The following PODXL variants were observed in gnomAD, a reference collection of about 807,000 sequenced individuals.
PODXL encodes podocalyxin like.
Under a neutral mutation model 48.9 loss-of-function variants are expected in PODXL, and 20 were observed. That is an observed-to-expected ratio of 0.41 (90% CI 0.29 to 0.59). The LOEUF (loss-of-function observed/expected upper bound fraction) is 0.59, where lower values mean the gene tolerates loss of function less well. Among genes scored for constraint, PODXL ranks in the 20% least tolerant of loss-of-function variants. The pLI is 0.31. For synonymous variants in PODXL, 295 were observed against 287.4 expected (o/e 1.03, Z -0.27); for missense variants, 606 against 675.1 (o/e 0.90, Z 1.13).
chr7:131,540,488 G>T (rs1439431731), intron 1 of PODXL, among the ~76,000 whole-genome samples: 3 of 151,684 alleles, frequency 2.0e-5, no homozygotes, highest in African/African-American at 7.3e-5. Flanking sequence ...CATCACACTG[G>T]GTCTGCACCG....
intron 1 of PODXL, among the ~76,000 whole-genome samples, chr7:131,521,157 CAAA>C (rs35374057): frequency 1.5e-5 from 2 of 134,824 alleles, no homozygotes; most frequent in Non-Finnish European, 3.1e-5. Context: ...GACTCCATCT[CAAA>C]AAAAAAAAAA....
At chr7:131,553,364 G>A (rs1449964079) in intron 1 of PODXL, among the ~76,000 whole-genome samples, 1 of 152,176 alleles carries the variant, frequency 6.6e-6, no homozygotes. Flanking sequence ...CCCACAGAGT[G>A]GCACTGGGGC....
At position 131,511,439 on chromosome 7, in the gene PODXL, T is replaced by G. The variant is rs756257421; in HGVS notation, c.101-6A>C. On this transcript the variant is annotated splice_region_variant and splice_polypyrimidine_tract_variant and intron_variant, in intron 1 of 8. Coordinates refer to ENST00000378555, the MANE Select transcript of PODXL (RefSeq NM_001018111.3). Reference sequence around the variant, plus strand: ...GTCCGTAGTAGTCTGGGTTGCTGTTTGTAAAGATAACAGAGAATGGAGTTA... The same window carrying G: ...GTCCGTAGTAGTCTGGGTTGCTGTTGGTAAAGATAACAGAGAATGGAGTTA... 6.3e-7 allele frequency: 1 copy of G among 1,599,964 alleles called. No homozygotes were observed. The highest frequency in any genetic ancestry group is 1.1e-5 in the South Asian group (1 of 91,056).
At chr7:131,538,274 C>T (rs62468112) in intron 1 of PODXL, among the ~76,000 whole-genome samples, 3 of 152,202 alleles carry the variant, frequency 2.0e-5, no homozygotes, top group Non-Finnish European at 2.9e-5. Flanking sequence ...ATTCTCTGAC[C>T]GAGCTTCCCA....
At chr7:131,507,394 C>A (rs1262658760) in intron 5 of PODXL, among the ~76,000 whole-genome samples, 2 of 152,170 alleles carry the variant, frequency 1.3e-5, no homozygotes, top group Non-Finnish European at 2.9e-5. Context: ...AAGATTGTGG[C>A]TGACGTGGCT....
intron 1 of PODXL, among the ~76,000 whole-genome samples, chr7:131,555,696 C>T (rs906644271): frequency 1.3e-5 from 2 of 152,172 alleles, no homozygotes; most frequent in African/African-American, 2.4e-5. Context: ...CTGTACCTGC[C>T]CCAGCACGGG....
chr7:131,553,992 A>ATATT, intron 1 of PODXL, among the ~76,000 whole-genome samples: 1 of 152,260 alleles, frequency 6.6e-6, no homozygotes. Flanking sequence ...ATCTGCCCAT[A>ATATT]TATTGGAAGG....
chr7:131,538,754 A>G (rs1798425047), intron 1 of PODXL, among the ~76,000 whole-genome samples: 2 of 151,560 alleles, frequency 1.3e-5, no homozygotes, highest in Admixed American at 6.6e-5. Context: ...TCCCGCTCCC[A>G]CTGTTGTTGC....
Position 131,511,415 on chromosome 7 carries a change from T to C in PODXL, c.119A>G (p.Asp40Gly), listed in dbSNP as rs1797913102. ...AGTCGGTGCTGTTTTGTTAGATGAG[T>C]CCGTAGTAGTCTGGGTTGCTGTTTG... is the stretch of plus-strand genomic sequence containing the variant. ...PSQNATQTTTDSSNKTAPTPA... is the reference protein window; with the variant it reads ...PSQNATQTTTGSSNKTAPTPA... The change falls in exon 2 of 9, where the codon GAC becomes GGC. Residue 40 changes from aspartate (D) to glycine (G), a missense_variant. By Grantham distance (94) the Asp-to-Gly change is moderately conservative. Coordinates refer to ENST00000378555, the MANE Select transcript of PODXL (RefSeq NM_001018111.3). 1 of 1,600,924 alleles carries C rather than the reference T, an allele frequency of 6.2e-7. No homozygotes were observed. Among genetic ancestry groups the C allele is most frequent in the Non-Finnish European group, 8.5e-7 (1 of 1,179,848 alleles).
intron 1 of PODXL, among the ~76,000 whole-genome samples, chr7:131,525,426 C>CA (rs57927217): frequency 0.081 from 4,821 of 59,158 alleles, 1,166 homozygotes; most frequent in African/African-American, 0.3. Flanking sequence ...TCATCTCTAC[C>CA]AAAAAAAAAA....
At chr7:131,525,637 G>A (rs954427962) in intron 1 of PODXL, among the ~76,000 whole-genome samples, 4 of 151,174 alleles carry the variant, frequency 2.6e-5, no homozygotes, top group Non-Finnish European at 5.9e-5. Flanking sequence ...ACATAACCTC[G>A]CTGAAGAGGG....
At chr7:131,548,245 T>C (rs1311289570) in intron 1 of PODXL, among the ~76,000 whole-genome samples, 2 of 152,236 alleles carry the variant, frequency 1.3e-5, no homozygotes, top group African/African-American at 4.8e-5. Flanking sequence ...AGAGGGCAGC[T>C]ACAGAGACGT....
chr7:131,509,562 T>C lies in PODXL; in HGVS notation c.826A>G (p.Thr276Ala), dbSNP rs546035243. 1.3e-6 allele frequency: 2 copies of C among 1,564,580 alleles called. No individual in the cohort carries two copies. The highest frequency in any genetic ancestry group is 8.7e-7 in the Non-Finnish European group (1 of 1,153,194). Residue 276 changes from threonine to alanine, a missense_variant, in exon 4 of 9, where the codon ACT (threonine) becomes GCT (alanine). Thr to Ala is a moderately conservative substitution (Grantham distance 58, BLOSUM62 0). Coordinates refer to ENST00000378555, the MANE Select transcript of PODXL (RefSeq NM_001018111.3). ...ITASSVISQR[T>A]QQTSSQMPAS... ...GGCATCTGACTGGAGGTCTGTTGAG[T>C]TCTTTGCGAGATAACCGATGACGCT...
chr7:131,532,040 G>A (rs1185032367), intron 1 of PODXL, among the ~76,000 whole-genome samples: 6 of 151,844 alleles, frequency 4.0e-5, no homozygotes, highest in Non-Finnish European at 8.8e-5. Context: ...AACCCAGGTT[G>A]CAGTGAGCTG....
At chr7:131,533,424 T>C (rs1328424506) in intron 1 of PODXL, among the ~76,000 whole-genome samples, 1 of 152,164 alleles carries the variant, frequency 6.6e-6, no homozygotes, top group Admixed American at 6.5e-5. Flanking sequence ...GTTCTGCCCT[T>C]ATCAGCTTGT....
rs1299079925 is a variant in PODXL at position 131,500,752 on chromosome 7, G to A, written c.*3559C>T. 6.6e-6 allele frequency: 1 copy of A among 152,190 alleles called. No homozygotes were observed. The highest frequency in any genetic ancestry group is 2.4e-5 in the African/African-American group (1 of 41,448). The allele number at this position is 152,190 out of a possible 1,614,324, so 9.4% of individuals were successfully genotyped here. The stretch of plus-strand genomic sequence containing the variant: ...GACCAGTTCTTATGTTTGTGTTCAT[G>A]CCCTCCCTAGCCTTGCTAGGGTAAC... On this transcript the variant is annotated 3_prime_UTR_variant, in exon 9 of 9. Coordinates refer to ENST00000378555, the MANE Select transcript of PODXL (RefSeq NM_001018111.3).
rs764539168 is a variant in PODXL at position 131,511,478 on chromosome 7, TC to T, written c.101-46del. Reference sequence around the variant, plus strand: ...AGAATGGAGTTAGGGCTGGGAGGCTTCCTCACCACGCTTCTCCAGCTCTTCC... The same window carrying T: ...AGAATGGAGTTAGGGCTGGGAGGCTTCTCACCACGCTTCTCCAGCTCTTCC... On this transcript the variant is annotated intron_variant, in intron 1 of 8. Transcript: ENST00000378555. 7.1e-4 allele frequency: 1,124 copies of T among 1,587,064 alleles called. 1 individual carries two copies. Among genetic ancestry groups the T allele is most frequent in the Non-Finnish European group, 9.2e-4 (1,083 of 1,171,660 alleles).
At chr7:131,546,129 T>C (rs745870203) in intron 1 of PODXL, among the ~76,000 whole-genome samples, 17 of 152,194 alleles carry the variant, frequency 1.1e-4, no homozygotes, top group Non-Finnish European at 2.2e-4. Context: ...GAGCTGGCCA[T>C]AGAAAGATCA....
chr7:131,538,132 T>A (rs1220093537), intron 1 of PODXL, among the ~76,000 whole-genome samples: 1 of 152,082 alleles, frequency 6.6e-6, no homozygotes, highest in Admixed American at 6.5e-5. Flanking sequence ...AGGAGGGAGA[T>A]GAACCAGGAG....
Sources: gnomAD v4.1 joint callset for allele counts (sites outside exome capture counted in the v4.1 genomes callset) on GRCh38, gnomAD v4.1.1 for gene constraint, MANE v1.5 for transcripts, NCBI Gene and HGNC (gene_info 2026-07-23, HGNC 2026-07-21) for gene names.